Variants in EYA2 observed in about 807,000 individuals in gnomAD.
EYA2 encodes protein phosphatase EYA2.
A neutral mutation model predicts 69.2 loss-of-function variants in EYA2; 31 were observed. The ratio of observed to expected loss-of-function variants is 0.45; its 90% CI spans 0.34 to 0.60. The LOEUF (loss-of-function observed/expected upper bound fraction) is 0.60, where lower values mean the gene tolerates loss of function less well. Among genes scored for constraint, EYA2 ranks in the 20% least tolerant of loss-of-function variants. The probability of loss-of-function intolerance (pLI) is 0.02; values close to 1 mark genes in which losing one functional copy is unlikely to be tolerated. For missense variants in EYA2, 622 were observed against 701.2 expected, an observed-to-expected ratio of 0.89 and a Z score of 1.28; for synonymous variants, 257 against 279.4, an observed-to-expected ratio of 0.92 and a Z score of 0.80.
intron 1 of EYA2, among the ~76,000 whole-genome samples, chr20:46,931,723 T>G (rs1011808717): frequency 6.6e-6 from 1 of 152,112 alleles, no homozygotes; most frequent in Non-Finnish European, 1.5e-5. Flanking sequence ...CTCTGCTTCT[T>G]TGCAGTCAAG....
At chr20:47,051,977 A>G (rs1403222622) in intron 5 of EYA2, among the ~76,000 whole-genome samples, 3 of 152,222 alleles carry the variant, frequency 2.0e-5, no homozygotes, top group Non-Finnish European at 4.4e-5. Flanking sequence ...TTTTCATTCA[A>G]TGAATAGTTA....
intron 5 of EYA2, among the ~76,000 whole-genome samples, chr20:47,045,252 G>C (rs1376631779): frequency 6.6e-6 from 1 of 152,158 alleles, no homozygotes; most frequent in Non-Finnish European, 1.5e-5. Context: ...TGCTACTATA[G>C]GCTGGGGCAC....
At chr20:46,979,457 A>G (rs932134848) in intron 1 of EYA2, 2 of 152,212 alleles carry the variant, frequency 1.3e-5, no homozygotes, top group African/African-American at 2.4e-5. Context: ...GCAACAATGC[A>G]ACAAAGAAAG....
At chr20:47,121,924 G>T (rs375500077) in intron 9 of EYA2, among the ~76,000 whole-genome samples, 1 of 152,228 alleles carries the variant, frequency 6.6e-6, no homozygotes, top group East Asian at 1.9e-4. Flanking sequence ...TCCAACCCCA[G>T]CTCCTTCCTC....
chr20:47,088,447 G>C (rs1438205895), intron 7 of EYA2, among the ~76,000 whole-genome samples: 1 of 152,116 alleles, frequency 6.6e-6, no homozygotes, highest in Non-Finnish European at 1.5e-5. Flanking sequence ...GATTGAGAGA[G>C]TTGTAAATGC....
At chr20:47,127,106 TA>T (rs2146569605) in intron 9 of EYA2, among the ~76,000 whole-genome samples, 1 of 106,962 alleles carries the variant, frequency 9.3e-6, no homozygotes, top group Non-Finnish European at 2.1e-5. Context: ...CTGAATCTCT[TA>T]TAAAAAAAAA....
chr20:47,028,407 A>G (rs1227603458), intron 5 of EYA2, among the ~76,000 whole-genome samples: 2 of 152,232 alleles, frequency 1.3e-5, no homozygotes, highest in African/African-American at 4.8e-5. Flanking sequence ...TCTTTTGAAG[A>G]TGCTTCACCT....
chr20:47,117,601 G>A (rs1014871457), intron 9 of EYA2: 2 of 984,914 alleles, frequency 2.0e-6, no homozygotes, highest in African/African-American at 3.5e-5. Context: ...TTGGCGATAG[G>A]CGGCTTGGCC....
chr20:47,149,688 C>CAAAAAAAAA (rs59780173), intron 10 of EYA2, among the ~76,000 whole-genome samples: 230 of 100,374 alleles, frequency 2.3e-3, no homozygotes, highest in Middle Eastern at 4.6e-3. Flanking sequence ...ACTAAAAATA[C>CAAAAAAAAA]AAAAAAAAAA....
At chr20:47,089,926 T>A (rs1037620889) in intron 8 of EYA2, among the ~76,000 whole-genome samples, 1 of 152,102 alleles carries the variant, frequency 6.6e-6, no homozygotes, top group African/African-American at 2.4e-5. Context: ...AGGGGAGTTT[T>A]AAACATTCTC....
In EYA2 at chr20:47,130,261, C is replaced by CTTTTTTTTTTTTT. The variant is rs74178703; in HGVS notation, c.889-12789_889-12777dup. Among the ~76,000 whole-genome samples, 401 of 81,246 alleles carry CTTTTTTTTTTTTT rather than the reference C, an allele frequency of 4.9e-3. 83 individuals carry two copies. Among genetic ancestry groups the CTTTTTTTTTTTTT allele is most frequent in the African/African-American group, 5.9e-3 (103 of 17,378 alleles). The allele number at this position is 81,246 out of a possible 152,430, so 53.3% of individuals were successfully genotyped here. ...AAAGAAATAAAAGAAGGTTTATTTT[C>CTTTTTTTTTTTTT]TTTTTTTTTTTTTTTTTTTTTGAGA... On this transcript the variant is annotated intron_variant, in intron 9 of 15. Transcript: ENST00000327619.
chr20:47,053,444 T>C (rs941858246), intron 5 of EYA2, among the ~76,000 whole-genome samples: 3 of 152,048 alleles, frequency 2.0e-5, no homozygotes, highest in Admixed American at 6.5e-5. Context: ...GATGAGCAGA[T>C]TGCTTGAACC....
At chr20:46,978,407 C>G (rs1376845613) in intron 1 of EYA2, 3 of 353,602 alleles carry the variant, frequency 8.5e-6, no homozygotes, top group African/African-American at 6.4e-5. Flanking sequence ...CTGGGGAAAT[C>G]CTGCCGGAAC....
At chr20:47,114,822 T>C (rs1258354549) in intron 9 of EYA2, among the ~76,000 whole-genome samples, 4 of 152,198 alleles carry the variant, frequency 2.6e-5, no homozygotes, top group African/African-American at 7.2e-5. Flanking sequence ...TTGTGAGATC[T>C]GGTCATTTAA....
At chr20:47,164,499 T>A (rs996017268) in intron 10 of EYA2, among the ~76,000 whole-genome samples, 4 of 152,126 alleles carry the variant, frequency 2.6e-5, no homozygotes, top group African/African-American at 9.7e-5. Flanking sequence ...GTTTTTCCAG[T>A]TTCAGGCAAA....
At chr20:47,069,500 TCAC>T (rs1402843061) in intron 5 of EYA2, among the ~76,000 whole-genome samples, 1 of 152,028 alleles carries the variant, frequency 6.6e-6, no homozygotes, top group Non-Finnish European at 1.5e-5. Context: ...TTAAAAAAAA[TCAC>T]CATAAAGCTT....
rs570922462 is a variant in EYA2 at position 47,085,469 on chromosome 20, A to T, written c.662-3770A>T. Among the ~76,000 whole-genome samples the T allele has an allele frequency of 9.2e-5, 14 of 152,062 alleles. No homozygotes were observed. In the South Asian group the frequency reaches 2.9e-3, roughly 32 times the overall value. ...GAGACCACCCTGGCCAACATGGTAA[A>T]ATCCTGTCTCTACTAAAAATACAAA... On this transcript the variant is annotated intron_variant, in intron 7 of 15. Coordinates refer to ENST00000327619, the MANE Select transcript of EYA2 (RefSeq NM_005244.5).
rs1402865357 is a variant in EYA2, at chr20:47,001,527, G to A, written c.155+54G>A. 6.4e-6 allele frequency: 10 copies of A among 1,570,432 alleles called. No homozygotes were observed. In the East Asian group the frequency reaches 2.0e-4, roughly 32 times the overall value. On this transcript the variant is annotated intron_variant, in intron 3 of 15. Transcript: ENST00000327619. ...ACATGCCCACCTTTTCTTCTTTCTT[G>A]GAAGGTAGAGGTTAAGAGAGAGGGC... is the stretch of plus-strand genomic sequence containing the variant.
At chr20:46,957,570 C>T (rs1286927436) in intron 1 of EYA2, among the ~76,000 whole-genome samples, 4 of 131,460 alleles carry the variant, frequency 3.0e-5, no homozygotes, top group Non-Finnish European at 6.2e-5. Flanking sequence ...CACACACACA[C>T]ACACACACGA....
Sources: gnomAD v4.1 joint callset for allele counts (sites outside exome capture counted in the v4.1 genomes callset) on GRCh38, gnomAD v4.1.1 for gene constraint, MANE v1.5 for transcripts, NCBI Gene and HGNC (gene_info 2026-07-23, HGNC 2026-07-21) for gene names.